CES1: variants seen among roughly 807,000 people sequenced by gnomAD.
CES1 encodes liver carboxylesterase 1.
CES1 carries 50 observed loss-of-function variants against 53.0 expected under a neutral mutation model. The ratio of observed to expected loss-of-function variants is 0.94; its 90% CI spans 0.75 to 1.19. The LOEUF (loss-of-function observed/expected upper bound fraction) is 1.19. Among genes scored for constraint, CES1 ranks in the 50% most tolerant of loss-of-function variants. CES1 has a pLI of 0.00. For synonymous variants in CES1, 202 were observed against 210.1 expected (o/e 0.96, Z 0.33); for missense variants, 534 against 538.0 (o/e 0.99, Z 0.07).
At chr16:55,820,759 C>T (rs1447781803) in intron 5 of CES1, among the ~76,000 whole-genome samples, 1 of 152,082 alleles carries the variant, frequency 6.6e-6, no homozygotes, top group Non-Finnish European at 1.5e-5. Flanking sequence ...TGACCCACAA[C>T]CCCTGCCCCA....
intron 1 of CES1, 135 bp from the exon 2 acceptor site, chr16:55,829,109 G>A: frequency 3.2e-6 from 3 of 931,246 alleles, no homozygotes; most frequent in Non-Finnish European, 5.1e-6. Flanking sequence ...TTCTCTTGAT[G>A]TACAATAGGG....
Position 55,812,527 on chromosome 16 carries a change from A to T in CES1, c.1086+376T>A, listed in dbSNP as rs548046323. 4.6e-5 allele frequency: 16 copies of T among 348,712 alleles called. 1 individual carries two copies. In the East Asian group the frequency reaches 9.2e-4, roughly 20 times the overall value. 21.6% of individuals were successfully genotyped at this position (348,712 alleles called of 1,614,324 possible). ...AGTGATTTTCAGGGGAATTACGCAC[A>T]CCCAGCCCGAGGTGGGAAGCCAGGA... On this transcript the variant is annotated intron_variant, in intron 9 of 13. Coordinates refer to ENST00000360526, the MANE Select transcript of CES1 (RefSeq NM_001025195.2).
chr16:55,821,419 G>T lies in CES1; in HGVS notation c.642C>A (p.Gly214=), dbSNP rs765678958. The T allele has an allele frequency of 3.1e-6, 5 of 1,614,102 alleles. No individual in the cohort carries two copies. Among genetic ancestry groups the T allele is most frequent in the Non-Finnish European group, 4.2e-6 (5 of 1,180,054 alleles). The part of the protein sequence containing the change: ...DNIASFGGNP[G]SVTIFGESAG... ...CTGACTCTCCAAAGATGGTCACAGA[G>T]CCTGGGTTCCCTCCAAAGCTGGCAA... Residue 214 remains glycine, a synonymous_variant, in exon 5 of 14, where the codon GGC becomes GGA. Transcript: ENST00000360526.
chr16:55,810,740 T>A, intron 10 of CES1, 76 bp from the exon 11 acceptor site: 1 of 1,566,774 alleles, frequency 6.4e-7, no homozygotes, highest in South Asian at 1.1e-5. Flanking sequence ...AAGTCCTGCC[T>A]CAATGGTGAA....
chr16:55,830,285 A>G (rs2032585203), intron 1 of CES1, among the ~76,000 whole-genome samples: 3 of 152,190 alleles, frequency 2.0e-5, no homozygotes, highest in African/African-American at 7.2e-5. Context: ...GTTGTTGCTA[A>G]TTACAAATAA....
chr16:55,830,674 G>A (rs1349510597), intron 1 of CES1, among the ~76,000 whole-genome samples: 2 of 151,792 alleles, frequency 1.3e-5, no homozygotes, highest in Admixed American at 6.6e-5. Flanking sequence ...GTGGTAGCAT[G>A]TGCCTGTAAT....
chr16:55,829,235 A>C (rs2032546960), intron 1 of CES1, among the ~76,000 whole-genome samples: 1 of 152,262 alleles, frequency 6.6e-6, no homozygotes, highest in Non-Finnish European at 1.5e-5. Context: ...CTAGGAAAGA[A>C]CAAGACATTT....
intron 11 of CES1, among the ~76,000 whole-genome samples, chr16:55,808,601 A>G (rs1167194072): frequency 1.3e-5 from 2 of 152,206 alleles, no homozygotes; most frequent in Non-Finnish European, 2.9e-5. Flanking sequence ...TGCATTGTCC[A>G]ACCTAGTTAT....
At chr16:55,817,405 G>A (rs541143800) in intron 7 of CES1, among the ~76,000 whole-genome samples, 2 of 152,300 alleles carry the variant, frequency 1.3e-5, no homozygotes, top group East Asian at 1.9e-4. Context: ...TTTACACGAC[G>A]ATGCTATTGC....
intron 9 of CES1, among the ~76,000 whole-genome samples, 184 bp downstream of exon 9, chr16:55,812,719 C>T (rs1169046997): frequency 2.6e-5 from 4 of 152,128 alleles, no homozygotes; most frequent in African/African-American, 9.7e-5. Context: ...ATCCCAGGGC[C>T]CTGATACCCC....
rs74019272 is a variant in CES1, at chr16:55,810,891, G to A, written c.1170+36C>T. On this transcript the variant is annotated intron_variant, in intron 10 of 13. Coordinates refer to ENST00000360526, the MANE Select transcript of CES1 (RefSeq NM_001025195.2). ...TTGGGCAAGTCCTTGTCCCTCTCTG[G>A]GTCTCAGCCAATTCCCATGATTCCT... is the stretch of plus-strand genomic sequence containing the variant. 4.7e-3 allele frequency: 7,481 copies of A among 1,575,996 alleles called. 195 individuals carry two copies. In the African/African-American group the frequency reaches 0.061, roughly 13 times the overall value.
rs1265170362 is a variant in CES1, at chr16:55,817,016, A to G, written c.907-54T>C. The G allele has an allele frequency of 3.1e-6, 5 of 1,598,722 alleles. No individual in the cohort carries two copies. The Admixed American group carries it at 8.3e-5, about 27-fold the overall frequency. ...TGAGAGGCTTACCAGGAGAACACTG[A>G]GCTGGGTGAGTGGGGCAACAGAGGT... On this transcript the variant is annotated intron_variant, in intron 7 of 13. Transcript: ENST00000360526.
At position 55,832,947 on chromosome 16, in the gene CES1, C is replaced by T. The variant is rs2032740819; in HGVS notation, c.52+57G>A. The T allele has an allele frequency of 8.6e-6, 12 of 1,401,640 alleles. 1 individual carries two copies. The highest frequency in any genetic ancestry group is 2.4e-5 in the East Asian group (1 of 42,316). 86.8% of individuals were successfully genotyped at this position (1,401,640 alleles called of 1,614,324 possible). A position where few individuals can be genotyped will look rare whatever the true frequency, so the allele number is the denominator to read the frequency against. ...CCTTTCTACGCATCTGCGCCCACCTCGGCCCAGAACAAGGATTTCAAAAAG... is the reference window on the plus strand; with the variant it reads ...CCTTTCTACGCATCTGCGCCCACCTTGGCCCAGAACAAGGATTTCAAAAAG... On this transcript the variant is annotated intron_variant, in intron 1 of 13. Coordinates refer to ENST00000360526, the MANE Select transcript of CES1 (RefSeq NM_001025195.2).
intron 11 of CES1, among the ~76,000 whole-genome samples, chr16:55,809,511 G>T (rs576144007): frequency 6.6e-6 from 1 of 152,194 alleles, no homozygotes; most frequent in East Asian, 1.9e-4. Context: ...TAGCTGGCAC[G>T]CAGGAACAGA....
chr16:55,809,325 C>T (rs2031583383), intron 11 of CES1, among the ~76,000 whole-genome samples: 1 of 152,160 alleles, frequency 6.6e-6, no homozygotes, highest in South Asian at 2.1e-4. Context: ...AGCACCTGCC[C>T]CTTCCTGTGC....
chr16:55,826,401 A>T, intron 2 of CES1, 106 bp from the exon 3 acceptor site: 1 of 1,361,516 alleles, frequency 7.3e-7, no homozygotes, highest in Non-Finnish European at 1.1e-6. Flanking sequence ...AATGGACTTG[A>T]TAGTTACAGA....
intron 7 of CES1, among the ~76,000 whole-genome samples, chr16:55,817,189 T>G (rs1418894272): frequency 1.3e-5 from 2 of 152,184 alleles, no homozygotes; most frequent in Admixed American, 6.5e-5. Flanking sequence ...TTGCAGGAAT[T>G]GTTTAGAAAG....
At position 55,828,922 on chromosome 16, in the gene CES1, C is replaced by A; in HGVS notation, c.105G>T (p.Leu35=). 6.2e-7 allele frequency: 1 copy of A among 1,613,942 alleles called. No homozygotes were observed. The highest frequency in any genetic ancestry group is 1.7e-4 in the Middle Eastern group (1 of 6,060). ...PVVDTVHGKV[L]GKFVSLEGFA... is the part of the protein sequence containing the mutation. ...ATCCTTCTAAGCTGACGAACTTCCCCAGCACTTTGCCATGCACGGTGTCCA... is the reference window on the plus strand; with the variant it reads ...ATCCTTCTAAGCTGACGAACTTCCCAAGCACTTTGCCATGCACGGTGTCCA... The change falls in exon 2 of 14, where the codon CTG becomes CTT. Residue 35 remains leucine (L), a synonymous_variant. Transcript: ENST00000360526.
At chr16:55,813,996 T>C (rs546031185) in intron 8 of CES1, among the ~76,000 whole-genome samples, 23 of 152,292 alleles carry the variant, frequency 1.5e-4, no homozygotes, top group Admixed American at 7.8e-4. Context: ...CCACCAGTAT[T>C]GATTTGGGGG....
Sources: allele counts gnomAD v4.1 joint callset (sites outside exome capture counted in the v4.1 genomes callset), GRCh38; gene constraint gnomAD v4.1.1; transcripts MANE v1.5; gene names NCBI Gene and HGNC (gene_info 2026-07-23, HGNC 2026-07-21).